Variants in PSD3 observed in about 807,000 individuals in gnomAD.
The protein encoded by PSD3 is PH and SEC7 domain-containing protein 3.
Under a neutral mutation model 105.5 loss-of-function variants are expected in PSD3, and 49 were observed. That is an observed-to-expected ratio of 0.46 (90% CI 0.37 to 0.59). The LOEUF (loss-of-function observed/expected upper bound fraction) is 0.59. Ranked by LOEUF, PSD3 falls within the 20% of genes least tolerant of loss-of-function variation. PSD3 has a pLI of 0.00. For synonymous variants in PSD3, 557 were observed against 457.8 expected (o/e 1.22, Z -2.77); for missense variants, 1,561 against 1,263.8 (o/e 1.24, Z -3.57).
At chr8:18,791,279 T>C (rs1439899632) in intron 8 of PSD3, among the ~76,000 whole-genome samples, 1 of 152,004 alleles carries the variant, frequency 6.6e-6, no homozygotes, top group Non-Finnish European at 1.5e-5. Flanking sequence ...AAAGCAATGC[T>C]AGGCAAAAAG....
In PSD3 at chr8:18,582,638, C is replaced by G. The variant is rs182504621; in HGVS notation, c.2482-7353G>C. Among the ~76,000 whole-genome samples, 865 of 152,176 alleles carry G rather than the reference C, an allele frequency of 5.7e-3. 2 individuals are homozygous for G. Among genetic ancestry groups the G allele is most frequent in the East Asian group, 0.01 (52 of 5,154 alleles). On this transcript the variant is annotated intron_variant, in intron 12 of 15. Transcript: ENST00000327040. Reference sequence around the variant, plus strand: ...AGATCAAAGTATGCATAATTGCTTACTGGACACATCCATTTATTATTCCAC... The same window carrying G: ...AGATCAAAGTATGCATAATTGCTTAGTGGACACATCCATTTATTATTCCAC...
intron 11 of PSD3, among the ~76,000 whole-genome samples, chr8:18,602,104 G>T (rs1253071863): frequency 2.6e-5 from 4 of 152,124 alleles, no homozygotes; most frequent in Non-Finnish European, 5.9e-5. Flanking sequence ...AAATATTTTT[G>T]TTTTTAACAG....
intron 11 of PSD3, among the ~76,000 whole-genome samples, chr8:18,605,571 C>T (rs534694258): frequency 2.5e-4 from 38 of 152,104 alleles, no homozygotes; most frequent in Middle Eastern, 3.4e-3. Flanking sequence ...CTTTGGGGAA[C>T]GTTGGGAAGG....
intron 12 of PSD3, among the ~76,000 whole-genome samples, chr8:18,580,084 T>C (rs963929052): frequency 6.6e-6 from 1 of 152,200 alleles, no homozygotes; most frequent in Non-Finnish European, 1.5e-5. Context: ...ATATCTTTTT[T>C]AAAAAATGCT....
chr8:19,000,422 AAC>A (rs1239416932), intron 1 of PSD3, among the ~76,000 whole-genome samples: 1 of 151,480 alleles, frequency 6.6e-6, no homozygotes, highest in Non-Finnish European at 1.5e-5. Flanking sequence ...AGAGAAAAAA[AAC>A]CTGATACAAT....
chr8:18,555,339 C>G (rs754938096), intron 15 of PSD3, among the ~76,000 whole-genome samples: 1 of 150,748 alleles, frequency 6.6e-6, no homozygotes, highest in Admixed American at 6.6e-5. Flanking sequence ...AAGATGAAAA[C>G]AAAGGAGAGG....
chr8:18,795,920 A>G (rs931448670), intron 8 of PSD3, among the ~76,000 whole-genome samples: 1 of 152,216 alleles, frequency 6.6e-6, no homozygotes, highest in East Asian at 1.9e-4. Context: ...TATAGCAAAG[A>G]AAGAAACTCT....
intron 1 of PSD3, among the ~76,000 whole-genome samples, chr8:18,970,092 A>C (rs2059643): frequency 3.3e-5 from 5 of 151,320 alleles, no homozygotes; most frequent in Non-Finnish European, 5.9e-5. Flanking sequence ...TTGGGAGGCC[A>C]AGTTGGGCGG....
chr8:18,743,959 T>TCACCACCACCACCACCAC lies in PSD3; in HGVS notation c.2172+21472_2172+21489dup, dbSNP rs111311023. On this transcript the variant is annotated intron_variant, in intron 9 of 15. Coordinates refer to ENST00000327040, the MANE Select transcript of PSD3 (RefSeq NM_015310.4). ...TGGGTGAAAGTGCAAACTCTGTCTC[T>TCACCACCACCACCACCAC]CACCACCACCACCACCACCACCACC... is the stretch of plus-strand genomic sequence containing the variant. Among the ~76,000 whole-genome samples the TCACCACCACCACCACCAC allele has an allele frequency of 9.3e-3, 1,288 of 138,812 alleles. 19 individuals carry two copies. The highest frequency in any genetic ancestry group is 0.032 in the African/African-American group (1,091 of 33,916). 91.1% of individuals were successfully genotyped at this position (138,812 alleles called of 152,430 possible). A position where few individuals can be genotyped will look rare whatever the true frequency, so the allele number is the denominator to read the frequency against.
intron 4 of PSD3, among the ~76,000 whole-genome samples, chr8:18,812,353 T>C (rs1469786783): frequency 6.6e-6 from 1 of 152,224 alleles, no homozygotes; most frequent in Non-Finnish European, 1.5e-5. Context: ...GGGGCCACTA[T>C]GGAGACTGGT....
chr8:18,535,802 C>A lies in PSD3; in HGVS notation c.3085G>T (p.Val1029Leu). The A allele has an allele frequency of 6.2e-7, 1 of 1,614,154 alleles. No individual in the cohort carries two copies. Among genetic ancestry groups the A allele is most frequent in the Non-Finnish European group, 8.5e-7 (1 of 1,179,998 alleles). Residue 1029 changes from valine to leucine, a missense_variant, in exon 16 of 16, where the codon GTG becomes TTG. Coordinates refer to ENST00000327040, the MANE Select transcript of PSD3 (RefSeq NM_015310.4). ...SPITAKVKRNVSERKDHRPET... is the reference protein window; with the variant it reads ...SPITAKVKRNLSERKDHRPET... ...GGTCGGTGATCCTTCCTCTCTGACA[C>A]GTTACGCTTGACTTTGGCAGTGATT...
At chr8:18,752,697 T>C (rs1351113298) in intron 9 of PSD3, among the ~76,000 whole-genome samples, 1 of 118,856 alleles carries the variant, frequency 8.4e-6, no homozygotes, top group African/African-American at 3.2e-5. Context: ...ATATATGATA[T>C]AATATATAAT....
intron 15 of PSD3, among the ~76,000 whole-genome samples, chr8:18,545,569 T>C (rs1008176579): frequency 6.6e-6 from 1 of 152,212 alleles, no homozygotes; most frequent in African/African-American, 2.4e-5. Flanking sequence ...GGTACTGCTA[T>C]CTGGGTAAGA....
chr8:18,576,056 T>C (rs1347161223), intron 12 of PSD3, among the ~76,000 whole-genome samples: 3 of 152,098 alleles, frequency 2.0e-5, no homozygotes, highest in Admixed American at 1.3e-4. Context: ...TTCTAATTAG[T>C]AGTAAAAGCC....
At chr8:18,949,244 A>T (rs868525773) in intron 1 of PSD3, among the ~76,000 whole-genome samples, 1,644 of 14,040 alleles carry the variant, frequency 0.12, 232 homozygotes, top group Middle Eastern at 0.42. Context: ...AAAAAAAAAA[A>T]ATATATATAT....
At chr8:18,770,967 G>T (rs570101210) in intron 8 of PSD3, among the ~76,000 whole-genome samples, 1 of 152,194 alleles carries the variant, frequency 6.6e-6, no homozygotes, top group Non-Finnish European at 1.5e-5. Context: ...AAGGGGAGCT[G>T]AAAAGGGGAC....
intron 1 of PSD3, among the ~76,000 whole-genome samples, chr8:19,045,977 G>T (rs1012479313): frequency 2.0e-5 from 3 of 152,058 alleles, no homozygotes; most frequent in Non-Finnish European, 4.4e-5. Flanking sequence ...CTTATCCTCT[G>T]CCCCTAAAAG....
At position 18,655,671 on chromosome 8, in the gene PSD3, T is replaced by A. The variant is rs761104410; in HGVS notation, c.2187A>T (p.Ser729=). The A allele has an allele frequency of 1.9e-6, 3 of 1,613,860 alleles. No individual in the cohort carries two copies. In the Admixed American group the frequency reaches 5.0e-5, roughly 27 times the overall value. Residue 729 remains serine, a synonymous_variant, in exon 10 of 16, where the codon TCA becomes TCT. Coordinates refer to ENST00000327040, the MANE Select transcript of PSD3 (RefSeq NM_015310.4). ...CCCATTCAAGCTTCTCATTCTTGAT[T>A]GAGTTGTACAGAGCCTGTAAAGAGA... ...SKDLLKALYN[S]IKNEKLEWAV...
At chr8:18,763,018 C>T (rs893875504) in intron 9 of PSD3, 1 of 750,990 alleles carries the variant, frequency 1.3e-6, no homozygotes, top group East Asian at 6.4e-5. Context: ...TCTCCAATCC[C>T]ACAACACCTA....
Sources: gnomAD v4.1 joint callset for allele counts (sites outside exome capture counted in the v4.1 genomes callset) on GRCh38, gnomAD v4.1.1 for gene constraint, MANE v1.5 for transcripts, NCBI Gene and HGNC (gene_info 2026-07-23, HGNC 2026-07-21) for gene names.